The following NEGR1 variants were observed in gnomAD, a reference collection of about 807,000 sequenced individuals.
NEGR1 encodes IgLON family member 4.
A neutral mutation model predicts 40.9 loss-of-function variants in NEGR1; 10 were observed. That is an observed-to-expected ratio of 0.24 (90% CI 0.15 to 0.42). NEGR1 has a LOEUF of 0.42. NEGR1 is among the 10% of genes least tolerant of loss of function. NEGR1 has a pLI of 1.00. For missense variants in NEGR1, 352 were observed against 438.9 expected (o/e 0.80, Z 1.77); for synonymous variants, 185 against 166.8 (o/e 1.11, Z -0.84).
chr1:72,106,760 A>G (rs1649148729), intron 1 of NEGR1, among the ~76,000 whole-genome samples: 1 of 152,056 alleles, frequency 6.6e-6, no homozygotes. Context: ...AGATTAATTT[A>G]CTAATTCCAA....
chr1:71,690,679 G>A (rs900334509), intron 4 of NEGR1, among the ~76,000 whole-genome samples: 21 of 138,044 alleles, frequency 1.5e-4, no homozygotes, highest in Admixed American at 3.0e-4. Context: ...GAGATTTGCC[G>A]TTGTTTGTTC....
chr1:71,949,501 T>C (rs924513860), intron 1 of NEGR1, among the ~76,000 whole-genome samples: 2 of 152,142 alleles, frequency 1.3e-5, no homozygotes, highest in African/African-American at 4.8e-5. Context: ...AAATAGTTTT[T>C]TGAATACTAT....
intron 1 of NEGR1, among the ~76,000 whole-genome samples, chr1:71,960,187 A>G (rs1430428365): frequency 6.6e-6 from 1 of 152,152 alleles, no homozygotes; most frequent in Non-Finnish European, 1.5e-5. Flanking sequence ...TAGCCTACTT[A>G]TTGGGCATCT....
intron 2 of NEGR1, among the ~76,000 whole-genome samples, chr1:71,826,178 C>T (rs770279298): frequency 6.6e-6 from 1 of 151,858 alleles, no homozygotes; most frequent in East Asian, 1.9e-4. Flanking sequence ...TCTCAGTTTT[C>T]TTTTCCGTTC....
Position 71,400,696 on chromosome 1 carries a change from A to G in NEGR1, c.*6750T>C, listed in dbSNP as rs1646241474. On this transcript the variant is annotated 3_prime_UTR_variant, in exon 7 of 7. Transcript: ENST00000357731. ...ATTAAAGTAGGCATTACATTATCAA[A>G]GCTCAAAATGTTAGCAATGAATTTA... 6.6e-6 allele frequency: 1 copy of G among 152,060 alleles called. No individual in the cohort carries two copies. The highest frequency in any genetic ancestry group is 2.4e-5 in the African/African-American group (1 of 41,410). 9.4% of individuals were successfully genotyped at this position (152,060 alleles called of 1,614,324 possible). A position where few individuals can be genotyped will look rare whatever the true frequency, so the allele number is the denominator to read the frequency against.
At chr1:71,888,492 T>C (rs1341989275) in intron 2 of NEGR1, among the ~76,000 whole-genome samples, 2 of 151,714 alleles carry the variant, frequency 1.3e-5, no homozygotes, top group Non-Finnish European at 2.9e-5. Context: ...CCCACCCGAA[T>C]ATTGCGATTT....
At chr1:71,453,104 A>G (rs567050719) in intron 6 of NEGR1, among the ~76,000 whole-genome samples, 2 of 152,320 alleles carry the variant, frequency 1.3e-5, no homozygotes, top group East Asian at 3.9e-4. Context: ...AAGCGTCTCA[A>G]TAGCTTTTTG....
At chr1:71,926,952 T>G (rs55927656) in intron 2 of NEGR1, among the ~76,000 whole-genome samples, 1,818 of 152,290 alleles carry the variant, frequency 0.012, 16 homozygotes, top group Non-Finnish European at 0.017. Context: ...TACTTCTTTA[T>G]TCCCAACTGT....
intron 1 of NEGR1, among the ~76,000 whole-genome samples, chr1:72,232,610 C>A (rs1412395702): frequency 6.6e-6 from 1 of 151,742 alleles, no homozygotes; most frequent in African/African-American, 2.4e-5. Flanking sequence ...TATTTTTTTT[C>A]TTTTAGTGTA....
chr1:71,809,261 T>C (rs1657897349), intron 2 of NEGR1, among the ~76,000 whole-genome samples: 1 of 152,138 alleles, frequency 6.6e-6, no homozygotes, highest in African/African-American at 2.4e-5. Flanking sequence ...CCATCATCAT[T>C]ACACAAGGCA....
intron 1 of NEGR1, among the ~76,000 whole-genome samples, chr1:71,938,961 G>C (rs1172980000): frequency 1.3e-5 from 2 of 151,948 alleles, no homozygotes; most frequent in Non-Finnish European, 2.9e-5. Context: ...ACAACTCCAG[G>C]CCTTCTATTT....
At chr1:71,976,687 A>T (rs1646307270) in intron 1 of NEGR1, among the ~76,000 whole-genome samples, 1 of 152,162 alleles carries the variant, frequency 6.6e-6, no homozygotes, top group African/African-American at 2.4e-5. Context: ...AATAAATTTT[A>T]TTGTGCAATT....
At chr1:72,157,929 G>A (rs530121037) in intron 1 of NEGR1, among the ~76,000 whole-genome samples, 59 of 152,284 alleles carry the variant, frequency 3.9e-4, no homozygotes, top group African/African-American at 1.4e-3. Flanking sequence ...ACAGGTGGTA[G>A]CTGTTGTCAG....
At chr1:72,249,333 T>C (rs989075338) in intron 1 of NEGR1, among the ~76,000 whole-genome samples, 25 of 152,210 alleles carry the variant, frequency 1.6e-4, no homozygotes, top group African/African-American at 5.3e-4. Context: ...ACCTACCCAG[T>C]TCACGGTATT....
chr1:71,956,814 CTA>C (rs1646123482), intron 1 of NEGR1, among the ~76,000 whole-genome samples: 2 of 152,230 alleles, frequency 1.3e-5, no homozygotes, highest in East Asian at 3.9e-4. Flanking sequence ...GACCTGTACT[CTA>C]ATTGTTATTC....
At chr1:71,471,659 CAACA>C (rs1646783162) in intron 6 of NEGR1, among the ~76,000 whole-genome samples, 2 of 64,876 alleles carry the variant, frequency 3.1e-5, no homozygotes, top group African/African-American at 1.1e-4. Context: ...AAAACAACAA[CAACA>C]AAAAAAAAGA....
At chr1:71,858,375 A>T (rs1300550294) in intron 2 of NEGR1, among the ~76,000 whole-genome samples, 2 of 152,132 alleles carry the variant, frequency 1.3e-5, no homozygotes, top group African/African-American at 4.8e-5. Context: ...GATTAAACAG[A>T]CTGCCTACAG....
chr1:71,527,441 ATCC>A (rs1400153695), intron 6 of NEGR1, among the ~76,000 whole-genome samples: 14 of 150,978 alleles, frequency 9.3e-5, no homozygotes, highest in African/African-American at 3.4e-4. Flanking sequence ...CCATCCATCC[ATCC>A]ATCCATGGGT....
chr1:72,191,278 A>C (rs562689119), intron 1 of NEGR1, among the ~76,000 whole-genome samples: 1 of 151,842 alleles, frequency 6.6e-6, no homozygotes, highest in Non-Finnish European at 1.5e-5. Context: ...CTTTCTCCCT[A>C]AAGTTTTAGG....
Sources: gnomAD v4.1 joint callset for allele counts (sites outside exome capture counted in the v4.1 genomes callset) on GRCh38, gnomAD v4.1.1 for gene constraint, MANE v1.5 for transcripts, NCBI Gene and HGNC (gene_info 2026-07-23, HGNC 2026-07-21) for gene names.